SORCS2: variants seen among roughly 807,000 people sequenced by gnomAD.
SORCS2 encodes the protein VPS10 domain-containing receptor SorCS2.
SORCS2 carries 100 observed loss-of-function variants against 141.6 expected under a neutral mutation model. The ratio of observed to expected loss-of-function variants is 0.71; its 90% CI spans 0.60 to 0.83. The LOEUF (loss-of-function observed/expected upper bound fraction) is 0.83, where lower values mean the gene tolerates loss of function less well. SORCS2 is among the 40% of genes least tolerant of loss of function. The probability of loss-of-function intolerance (pLI) is 0.00; values close to 1 mark genes in which losing one functional copy is unlikely to be tolerated. For synonymous variants in SORCS2, 789 were observed against 676.9 expected, an observed-to-expected ratio of 1.17 and a Z score of -2.57; for missense variants, 1,646 against 1,560.2, an observed-to-expected ratio of 1.05 and a Z score of -0.93.
intron 3 of SORCS2, among the ~76,000 whole-genome samples, chr4:7,555,329 G>C (rs768649943): frequency 6.6e-6 from 1 of 152,212 alleles, no homozygotes; most frequent in Non-Finnish European, 1.5e-5. Context: ...GCATCCTGAG[G>C]GCACTTTCTG....
At chr4:7,409,795 T>G (rs1335443059) in intron 2 of SORCS2, among the ~76,000 whole-genome samples, 1 of 152,228 alleles carries the variant, frequency 6.6e-6, no homozygotes, top group African/African-American at 2.4e-5. Context: ...ATCTTCACAT[T>G]TGCATTCTGA....
In SORCS2 at chr4:7,206,303, G is replaced by T. The variant is rs987305974; in HGVS notation, c.480+13177G>T. ...TTTCATTCCCTGTTGCTCCCCAAGC[G>T]CCTGGTGCTTAGTAGATGCTCAGTA... is the stretch of plus-strand genomic sequence containing the variant. On this transcript the variant is annotated intron_variant, in intron 1 of 26. Transcript: ENST00000507866. 2.6e-4 allele frequency among the ~76,000 whole-genome samples: 40 copies of T among 152,244 alleles called. No individual in the cohort carries two copies. The Middle Eastern group carries it at 0.01, about 39-fold the overall frequency.
At chr4:7,431,810 G>A (rs1577551192) in intron 2 of SORCS2, 1 of 152,220 alleles carries the variant, frequency 6.6e-6, no homozygotes, top group African/African-American at 2.4e-5. Context: ...CGGTGGCCCA[G>A]GTCTGCGACG....
chr4:7,374,187 CTTTCTTTCTTT>C (rs1722480711), intron 1 of SORCS2, among the ~76,000 whole-genome samples: 1 of 133,648 alleles, frequency 7.5e-6, no homozygotes, highest in South Asian at 2.3e-4. Context: ...TTCTTTCTTT[CTTTCTTTCTTT>C]TTTGCAGAGA....
At chr4:7,613,673 T>A (rs17465445) in intron 3 of SORCS2, among the ~76,000 whole-genome samples, 26,943 of 152,016 alleles carry the variant, frequency 0.18, 2,512 homozygotes, top group Middle Eastern at 0.22. Context: ...GATTCCACAC[T>A]CTCTCATCGA....
intron 4 of SORCS2, among the ~76,000 whole-genome samples, chr4:7,638,762 C>T (rs953413795): frequency 2.0e-5 from 3 of 152,206 alleles, no homozygotes; most frequent in African/African-American, 7.2e-5. Context: ...AAGAGAGGAA[C>T]CAGTGAGTAG....
At chr4:7,704,643 C>T (rs1431295204) in intron 14 of SORCS2, among the ~76,000 whole-genome samples, 2 of 152,232 alleles carry the variant, frequency 1.3e-5, no homozygotes, top group Non-Finnish European at 2.9e-5. Context: ...CAGCACTGGC[C>T]CTGCCCGGCT....
chr4:7,519,560 G>C (rs1048747815), intron 2 of SORCS2, among the ~76,000 whole-genome samples: 1 of 152,182 alleles, frequency 6.6e-6, no homozygotes. Context: ...TGGCGGCCAC[G>C]GTGAAGCTGT....
At chr4:7,412,284 G>T (rs889308751) in intron 2 of SORCS2, among the ~76,000 whole-genome samples, 2 of 152,190 alleles carry the variant, frequency 1.3e-5, no homozygotes, top group Non-Finnish European at 2.9e-5. Context: ...CCACCCCCTG[G>T]AGTTAGTTCT....
intron 2 of SORCS2, among the ~76,000 whole-genome samples, chr4:7,470,660 G>A (rs1729922245): frequency 6.6e-6 from 1 of 151,734 alleles, no homozygotes; most frequent in Non-Finnish European, 1.5e-5. Flanking sequence ...GATGATCTGG[G>A]CGATGATTGG....
At chr4:7,327,661 T>A (rs1472421933) in intron 1 of SORCS2, among the ~76,000 whole-genome samples, 1 of 152,220 alleles carries the variant, frequency 6.6e-6, no homozygotes, top group East Asian at 1.9e-4. Flanking sequence ...CCTTTGCCCC[T>A]GCAGTGTCTC....
intron 2 of SORCS2, among the ~76,000 whole-genome samples, chr4:7,428,697 G>A (rs1427319265): frequency 2.0e-5 from 3 of 152,214 alleles, no homozygotes; most frequent in Non-Finnish European, 4.4e-5. Flanking sequence ...AGGCCGGGGT[G>A]GCTGGAGAGG....
chr4:7,193,984 C>T lies in SORCS2; in HGVS notation c.480+858C>T, dbSNP rs1054781634. ...CAGAGGGTCCCTTTAGATTATTCCC[C>T]TGGGGGCTGCCTCAACCTCACTCCC... On this transcript the variant is annotated intron_variant, in intron 1 of 26. Coordinates refer to ENST00000507866, the MANE Select transcript of SORCS2 (RefSeq NM_020777.3). This position sits in a 1 kb window ranked among gnomAD's most constrained non-coding sequence, Gnocchi z 4.8. Among the ~76,000 whole-genome samples, 1 of 152,118 alleles carries T rather than the reference C, an allele frequency of 6.6e-6. No homozygotes were observed. Among genetic ancestry groups the T allele is most frequent in the Non-Finnish European group, 1.5e-5 (1 of 67,998 alleles).
chr4:7,432,979 G>A lies in SORCS2; in HGVS notation c.548+36624G>A, dbSNP rs180721983. ...CTCACAGCCAGATGTCCATCCAGCA[G>A]AAGGTAAAGGGGCACCTGAGCCCAT... is the stretch of plus-strand genomic sequence containing the variant. On this transcript the variant is annotated intron_variant, in intron 2 of 26. Transcript: ENST00000507866. 467 of 199,502 alleles carry A rather than the reference G, an allele frequency of 2.3e-3. 1 individual carries two copies. The highest frequency in any genetic ancestry group is 4.1e-3 in the Non-Finnish European group (407 of 99,630). The allele number at this position is 199,502 out of a possible 1,614,324, so 12.4% of individuals were successfully genotyped here.
At chr4:7,203,197 C>T (rs372554055) in intron 1 of SORCS2, among the ~76,000 whole-genome samples, 6 of 152,254 alleles carry the variant, frequency 3.9e-5, no homozygotes, top group Admixed American at 6.5e-5. Flanking sequence ...TTTGGGAGGC[C>T]GAGGCAGGTG....
intron 3 of SORCS2, among the ~76,000 whole-genome samples, chr4:7,584,826 T>G (rs1716427124): frequency 6.6e-6 from 1 of 152,176 alleles, no homozygotes; most frequent in Non-Finnish European, 1.5e-5. Context: ...ATGCTCCCAT[T>G]ACCCAGTTGA....
intron 8 of SORCS2, among the ~76,000 whole-genome samples, 183 bp downstream of exon 8, chr4:7,667,396 T>A (rs544225269): frequency 4.6e-5 from 7 of 152,292 alleles, no homozygotes; most frequent in African/African-American, 1.7e-4. Flanking sequence ...ACCCAGCCCT[T>A]CCAGACTCAG....
intron 3 of SORCS2, among the ~76,000 whole-genome samples, chr4:7,610,049 A>G (rs1718308436): frequency 6.6e-6 from 1 of 151,894 alleles, no homozygotes. Context: ...GCTCACTAAC[A>G]CCCTCTCCCC....
At chr4:7,220,263 T>C (rs1728626975) in intron 1 of SORCS2, among the ~76,000 whole-genome samples, 1 of 151,872 alleles carries the variant, frequency 6.6e-6, no homozygotes, top group South Asian at 2.1e-4. Context: ...TAACCAAGGC[T>C]TGGGGGAGGG....
Sources: gnomAD v4.1 joint callset for allele counts (sites outside exome capture counted in the v4.1 genomes callset) on GRCh38, gnomAD v4.1.1 for gene constraint, Gnocchi (gnomAD v3.1) non-coding constraint, MANE v1.5 for transcripts, NCBI Gene and HGNC (gene_info 2026-07-23, HGNC 2026-07-21) for gene names.